Variants in IQGAP2 observed in about 807,000 individuals in gnomAD.
IQGAP2 encodes ras GTPase-activating-like protein IQGAP2.
A neutral mutation model predicts 201.3 loss-of-function variants in IQGAP2; 173 were observed. The observed-to-expected ratio is 0.86, with a 90% CI of 0.76 to 0.98. IQGAP2 has a LOEUF of 0.98. IQGAP2 is among the 50% of genes least tolerant of loss of function. The pLI is 0.00. For missense variants in IQGAP2, 1,687 were observed against 1,864.8 expected, an observed-to-expected ratio of 0.90 and a Z score of 1.76; for synonymous variants, 675 against 673.9, an observed-to-expected ratio of 1.00 and a Z score of -0.03.
chr5:76,605,433 G>A (rs1030304344), intron 11 of IQGAP2, among the ~76,000 whole-genome samples: 2 of 152,084 alleles, frequency 1.3e-5, no homozygotes, highest in South Asian at 2.1e-4. Context: ...GGGCTCAAAC[G>A]ATCCTCTCAC....
rs1743588919 is a variant in IQGAP2 at position 76,664,753 on chromosome 5, T to C, written c.2530-273T>C. Reference sequence around the variant, plus strand: ...TATAATAATGAAAAAGTTCTACATATTGCAAGAATTATCAAAATGTGACAC... The same window carrying C: ...TATAATAATGAAAAAGTTCTACATACTGCAAGAATTATCAAAATGTGACAC... On this transcript the variant is annotated intron_variant, in intron 21 of 35. Coordinates refer to ENST00000274364, the MANE Select transcript of IQGAP2 (RefSeq NM_006633.5). Among the ~76,000 whole-genome samples, 5 of 151,956 alleles carry C rather than the reference T, an allele frequency of 3.3e-5. No homozygotes were observed. In the South Asian group the frequency reaches 1.0e-3, roughly 32 times the overall value.
At chr5:76,595,768 A>AAGAG (rs142088212) in intron 9 of IQGAP2, among the ~76,000 whole-genome samples, 19,155 of 144,128 alleles carry the variant, frequency 0.13, 1,328 homozygotes, top group Admixed American at 0.24. Flanking sequence ...CAAAAAAAGA[A>AAGAG]AGAGAGAGAG....
intron 1 of IQGAP2, among the ~76,000 whole-genome samples, chr5:76,454,372 C>T (rs6892126): frequency 0.84 from 126,430 of 151,148 alleles, 53,141 homozygotes; most frequent in African/African-American, 0.9. Flanking sequence ...ACATGTGCCA[C>T]GTTGGTGTGC....
Position 76,637,146 on chromosome 5 carries a change from A to G in IQGAP2, c.1893A>G (p.Lys631=), listed in dbSNP as rs138758867. 6.8e-3 allele frequency: 10,991 copies of G among 1,609,538 alleles called. 1,166 individuals carry two copies. In the Admixed American group the frequency reaches 0.17, roughly 25 times the overall value. ...TCACACCTGAATCATGCTTGTATAA[A>G]GAATCATGGCTCACAGGAAAAGAAA... ...SWVTPESCLY[K]ESWLTGKEIE... Residue 631 remains lysine, a synonymous_variant, in exon 16 of 36, where the codon AAA becomes AAG. Transcript: ENST00000274364.
chr5:76,559,814 G>A (rs191001031), intron 2 of IQGAP2, among the ~76,000 whole-genome samples: 32 of 152,306 alleles, frequency 2.1e-4, no homozygotes, highest in African/African-American at 7.5e-4. Context: ...AGATGTGCAT[G>A]TTAGGTTAAC....
intron 1 of IQGAP2, among the ~76,000 whole-genome samples, chr5:76,429,582 TTATATA>T (rs70982604): frequency 8.3e-6 from 1 of 120,714 alleles, no homozygotes; most frequent in South Asian, 2.6e-4. Flanking sequence ...AAAAAAAAAT[TTATATA>T]TATATATATG....
At chr5:76,693,788 C>A in intron 31 of IQGAP2, 10 of 168,046 alleles carry the variant, frequency 6.0e-5, no homozygotes, top group East Asian at 1.6e-4. Flanking sequence ...ATACCTTTCA[C>A]ATTTTATGTA....
At chr5:76,533,616 C>G (rs895652801) in intron 2 of IQGAP2, among the ~76,000 whole-genome samples, 1 of 152,130 alleles carries the variant, frequency 6.6e-6, no homozygotes, top group Non-Finnish European at 1.5e-5. Context: ...TCTTGGCTCA[C>G]TGCAAGCTCT....
chr5:76,488,489 T>G (rs1014198587), intron 2 of IQGAP2, among the ~76,000 whole-genome samples: 2 of 152,208 alleles, frequency 1.3e-5, no homozygotes, highest in Non-Finnish European at 2.9e-5. Flanking sequence ...CTGCGAAAGA[T>G]TCTGTGCTTC....
rs557425356 is a variant in IQGAP2, at chr5:76,641,180, C to A, written c.2094+77C>A. On this transcript the variant is annotated intron_variant, in intron 17 of 35. Coordinates refer to ENST00000274364, the MANE Select transcript of IQGAP2 (RefSeq NM_006633.5). ...ATGTTTTATTTGATAATAGAATAGT[C>A]AACTACCAGCATTCCTATAAACAAA... The A allele has an allele frequency of 1.5e-5, 16 of 1,091,952 alleles. No homozygotes were observed. The South Asian group carries it at 2.5e-4, about 17-fold the overall frequency. 67.6% of individuals were successfully genotyped at this position (1,091,952 alleles called of 1,614,324 possible). A position where few individuals can be genotyped will look rare whatever the true frequency, so the allele number is the denominator to read the frequency against.
intron 2 of IQGAP2, among the ~76,000 whole-genome samples, chr5:76,536,260 AG>A (rs1759616698): frequency 6.6e-6 from 1 of 150,984 alleles, no homozygotes; most frequent in South Asian, 2.1e-4. Context: ...TAGTAGAGAC[AG>A]GGTTTCATCA....
chr5:76,574,114 C>T (rs1326260589), intron 4 of IQGAP2, among the ~76,000 whole-genome samples: 5 of 152,084 alleles, frequency 3.3e-5, no homozygotes, highest in South Asian at 2.1e-4. Flanking sequence ...TTGAGTATCA[C>T]GTACTACCAT....
At chr5:76,478,234 C>T (rs1337479313) in intron 2 of IQGAP2, among the ~76,000 whole-genome samples, 3 of 152,196 alleles carry the variant, frequency 2.0e-5, no homozygotes, top group East Asian at 3.9e-4. Context: ...ACCCCTATCT[C>T]TACTAAAAAT....
chr5:76,447,909 T>C (rs775271954), intron 1 of IQGAP2, among the ~76,000 whole-genome samples: 2 of 152,220 alleles, frequency 1.3e-5, no homozygotes, highest in Non-Finnish European at 2.9e-5. Flanking sequence ...TTTATGCTAA[T>C]TGGACTTTGA....
At chr5:76,532,556 G>A (rs1759374660) in intron 2 of IQGAP2, among the ~76,000 whole-genome samples, 2 of 152,138 alleles carry the variant, frequency 1.3e-5, no homozygotes, top group Non-Finnish European at 2.9e-5. Flanking sequence ...TATCCTGTAG[G>A]CGTGGTCAAG....
In IQGAP2 at chr5:76,668,794, A is replaced by C. The variant is rs754696046; in HGVS notation, c.2793A>C (p.Glu931Asp). The change falls in exon 23 of 36, where the codon GAA (glutamate) becomes GAC (aspartate). Residue 931 changes from glutamate (E) to aspartate (D), a missense_variant. Coordinates refer to ENST00000274364, the MANE Select transcript of IQGAP2 (RefSeq NM_006633.5). Reference sequence around the variant, plus strand: ...ATAATTATGCCTCTAATCAGCGAGAAGAATATCTACTTCTCAAGCTTTTTA... The same window carrying C: ...ATAATTATGCCTCTAATCAGCGAGACGAATATCTACTTCTCAAGCTTTTTA... ...TLYNYASNQR[E>D]EYLLLKLFKT... The C allele has an allele frequency of 6.2e-7, 1 of 1,608,544 alleles. No individual in the cohort carries two copies.
chr5:76,699,678 T>C (rs1301713986), intron 33 of IQGAP2, among the ~76,000 whole-genome samples: 27 of 114,462 alleles, frequency 2.4e-4, no homozygotes, highest in African/African-American at 8.8e-4. Context: ...GTGCTCTCTC[T>C]CTCTCCATAT....
intron 2 of IQGAP2, among the ~76,000 whole-genome samples, chr5:76,529,217 C>T (rs1759140042): frequency 6.6e-6 from 1 of 152,060 alleles, no homozygotes; most frequent in Non-Finnish European, 1.5e-5. Flanking sequence ...CTGCTTTCAC[C>T]AATGATGTAC....
In IQGAP2 at chr5:76,683,183, G is replaced by A. The variant is rs34076951; in HGVS notation, c.3729G>A (p.Ser1243=). ...KNDLLSELLG[S]LGEVPTVESF... ...ACTTACTGAGTGAATTGCTGGGGTC[G>A]CTGGGAGAGGTGCCAACCGTGGAAT... Residue 1243 remains serine (S), a synonymous_variant, in exon 29 of 36, where the codon TCG becomes TCA. Coordinates refer to ENST00000274364, the MANE Select transcript of IQGAP2 (RefSeq NM_006633.5). 5.0e-4 allele frequency: 798 copies of A among 1,611,846 alleles called. 2 individuals carry two copies. In the African/African-American group the frequency reaches 8.6e-3, roughly 17 times the overall value.
Sources: gnomAD v4.1 joint callset for allele counts (sites outside exome capture counted in the v4.1 genomes callset) on GRCh38, gnomAD v4.1.1 for gene constraint, MANE v1.5 for transcripts, NCBI Gene and HGNC (gene_info 2026-07-23, HGNC 2026-07-21) for gene names.